The following ASIC2 variants were observed in gnomAD, a reference collection of about 807,000 sequenced individuals.
ASIC2 encodes the protein acid-sensing ion channel 2.
A neutral mutation model predicts 57.3 loss-of-function variants in ASIC2; 25 were observed. The ratio of observed to expected loss-of-function variants is 0.44; its 90% CI spans 0.32 to 0.61. The LOEUF is 0.61. Ranked by LOEUF, ASIC2 falls within the 20% of genes least tolerant of loss-of-function variation. The probability of loss-of-function intolerance (pLI) is 0.06; values close to 1 mark genes in which losing one functional copy is unlikely to be tolerated. For synonymous variants in ASIC2, 319 were observed against 307.5 expected, an observed-to-expected ratio of 1.04 and a Z score of -0.39; for missense variants, 641 against 738.1, an observed-to-expected ratio of 0.87 and a Z score of 1.52.
chr17:33,293,381 T>C (rs924061485), upstream of ASIC2, among the ~76,000 whole-genome samples: 2 of 151,910 alleles, frequency 1.3e-5, no homozygotes, highest in Admixed American at 6.5e-5. Flanking sequence ...CGCTGCATTT[T>C]AATTCCTGGC....
chr17:34,006,870 G>T (rs888425641), intron 1 of ASIC2: 2 of 152,140 alleles, frequency 1.3e-5, no homozygotes, highest in African/African-American at 4.8e-5. Flanking sequence ...TTTGCAAACT[G>T]AAGTCTGAGT....
intron 1 of ASIC2, among the ~76,000 whole-genome samples, chr17:33,647,750 C>A (rs1254288453): frequency 6.6e-6 from 1 of 152,190 alleles, no homozygotes; most frequent in Non-Finnish European, 1.5e-5. Context: ...AGATAATTGT[C>A]ATTGATCTAT....
intron 1 of ASIC2, among the ~76,000 whole-genome samples, chr17:34,155,048 C>T (rs1385597684): frequency 1.3e-5 from 2 of 152,142 alleles, no homozygotes; most frequent in Middle Eastern, 3.4e-3. Context: ...GCCACATCCC[C>T]CTCCGCTTTT....
intron 1 of ASIC2, among the ~76,000 whole-genome samples, chr17:33,838,790 C>A (rs1236645891): frequency 6.6e-6 from 1 of 152,106 alleles, no homozygotes; most frequent in Admixed American, 6.5e-5. Flanking sequence ...CCAATGTCTG[C>A]CCCAACCCAA....
intron 1 of ASIC2, among the ~76,000 whole-genome samples, chr17:33,479,259 A>G (rs1239484841): frequency 1.3e-5 from 2 of 152,118 alleles, no homozygotes; most frequent in East Asian, 3.9e-4. Flanking sequence ...TCAGCCTCCC[A>G]AAGTGCTGGG....
rs557227866 is a variant in ASIC2 at position 33,108,562 on chromosome 17, A to G, written c.859+3355T>C. The stretch of plus-strand genomic sequence containing the variant: ...TACAGACAAGCATCTCTCACCTGCG[A>G]GAGCCCACCTCCCATCCTTCAACAG... On this transcript the variant is annotated intron_variant, in intron 2 of 9. Coordinates refer to ENST00000225823, the MANE Select transcript of ASIC2 (RefSeq NM_183377.2). Among the ~76,000 whole-genome samples, 146 of 152,322 alleles carry G rather than the reference A, an allele frequency of 9.6e-4. 1 individual carries two copies. The highest frequency in any genetic ancestry group is 6.8e-4 in the Non-Finnish European group (46 of 68,020).
At chr17:33,207,922 G>C (rs1479088799) in intron 1 of ASIC2, among the ~76,000 whole-genome samples, 1 of 152,184 alleles carries the variant, frequency 6.6e-6, no homozygotes, top group African/African-American at 2.4e-5. Context: ...GGTTTTGGTT[G>C]TTTTTCTTAC....
rs79510444 is a variant in ASIC2, at chr17:33,260,228, C to T, written c.708+31180G>A. On this transcript the variant is annotated intron_variant, in intron 1 of 9. Coordinates refer to ENST00000225823, the MANE Select transcript of ASIC2 (RefSeq NM_183377.2). Reference sequence around the variant, plus strand: ...TGGATAAAGCCTGGCCTCCTGGCCCCTGAATCCAGGACTCTTCCACTGGGC... The same window carrying T: ...TGGATAAAGCCTGGCCTCCTGGCCCTTGAATCCAGGACTCTTCCACTGGGC... Among the ~76,000 whole-genome samples the T allele has an allele frequency of 1.7e-3, 262 of 152,338 alleles. 4 individuals carry two copies. The highest frequency in any genetic ancestry group is 0.014 in the East Asian group (70 of 5,180).
intron 1 of ASIC2, among the ~76,000 whole-genome samples, chr17:33,732,918 G>A (rs1478292557): frequency 2.0e-5 from 3 of 152,276 alleles, no homozygotes; most frequent in South Asian, 2.1e-4. Context: ...GATTATAGGC[G>A]TGTGCCACCA....
intron 1 of ASIC2, among the ~76,000 whole-genome samples, chr17:33,200,870 C>A (rs1906830419): frequency 6.6e-6 from 1 of 152,096 alleles, no homozygotes; most frequent in Admixed American, 6.5e-5. Flanking sequence ...TGATAAGGGC[C>A]TACAGTCTGG....
At chr17:34,038,784 T>C in intron 1 of ASIC2, 1 of 1,611,826 alleles carries the variant, frequency 6.2e-7, no homozygotes, top group Non-Finnish European at 8.5e-7. Context: ...GTCTTGCTTT[T>C]CCACTGTTTC....
chr17:33,559,315 A>C (rs1438216679), intron 1 of ASIC2, among the ~76,000 whole-genome samples: 1 of 152,132 alleles, frequency 6.6e-6, no homozygotes, highest in Non-Finnish European at 1.5e-5. Flanking sequence ...TCCCCACTTT[A>C]TCATGGCCTA....
chr17:33,736,673 ATTTAAT>A (rs969535599), intron 1 of ASIC2, among the ~76,000 whole-genome samples: 23 of 152,220 alleles, frequency 1.5e-4, no homozygotes, highest in African/African-American at 5.3e-4. Context: ...ATAAAGAAAC[ATTTAAT>A]TGTCTTCTTA....
At chr17:33,151,183 A>G (rs376118740) in intron 1 of ASIC2, among the ~76,000 whole-genome samples, 7 of 29,910 alleles carry the variant, frequency 2.3e-4, no homozygotes, top group Admixed American at 5.6e-4. Context: ...ACACACACGC[A>G]CACACACACA....
intron 1 of ASIC2, among the ~76,000 whole-genome samples, chr17:34,095,654 T>TAA (rs1555595854): frequency 1.5e-4 from 14 of 93,004 alleles, no homozygotes; most frequent in Admixed American, 3.8e-4. Flanking sequence ...TATATATATA[T>TAA]AATTTTATAT....
At chr17:33,344,786 C>T (rs1907878230) in intron 1 of ASIC2, among the ~76,000 whole-genome samples, 2 of 152,246 alleles carry the variant, frequency 1.3e-5, no homozygotes, top group South Asian at 4.1e-4. Context: ...ATCTGGGAGA[C>T]AGGCCACTCT....
chr17:33,599,676 A>ACTCTT (rs1471048398), intron 1 of ASIC2, among the ~76,000 whole-genome samples: 1 of 152,042 alleles, frequency 6.6e-6, no homozygotes, highest in Non-Finnish European at 1.5e-5. Context: ...AACCCAGGAT[A>ACTCTT]CTCTTCCCAG....
chr17:33,836,366 G>A (rs1219533300), intron 1 of ASIC2, among the ~76,000 whole-genome samples: 1 of 151,736 alleles, frequency 6.6e-6, no homozygotes, highest in Non-Finnish European at 1.5e-5. Context: ...TGCCTTTTTA[G>A]AGATGGGATT....
At chr17:33,982,126 G>A (rs1905648280) in intron 1 of ASIC2, among the ~76,000 whole-genome samples, 1 of 152,302 alleles carries the variant, frequency 6.6e-6, no homozygotes, top group Non-Finnish European at 1.5e-5. Flanking sequence ...CTTTGGGGCT[G>A]AGCCAGTTCA....
Sources: gnomAD v4.1 joint callset for allele counts (sites outside exome capture counted in the v4.1 genomes callset) on GRCh38, gnomAD v4.1.1 for gene constraint, MANE v1.5 for transcripts, NCBI Gene and HGNC (gene_info 2026-07-23, HGNC 2026-07-21) for gene names.